Variants in EPHA5 observed in about 807,000 individuals in gnomAD.
EPHA5 encodes ephrin type-A receptor 5.
EPHA5 carries 60 observed loss-of-function variants against 105.0 expected under a neutral mutation model. That is an observed-to-expected ratio of 0.57 (90% CI 0.46 to 0.71). The LOEUF is 0.71. Among genes scored for constraint, EPHA5 ranks in the 30% least tolerant of loss-of-function variants. EPHA5 has a pLI of 0.00. For missense variants in EPHA5, 1,218 were observed against 1,274.7 expected, an observed-to-expected ratio of 0.96 and a Z score of 0.68; for synonymous variants, 513 against 449.1, an observed-to-expected ratio of 1.14 and a Z score of -1.80.
chr4:65,577,586 C>A (rs976363325), intron 3 of EPHA5, among the ~76,000 whole-genome samples: 2 of 152,092 alleles, frequency 1.3e-5, no homozygotes, highest in Non-Finnish European at 2.9e-5. Context: ...ATCTAATTTA[C>A]TTATTATTCC....
chr4:65,404,750 A>G (rs759826190), intron 7 of EPHA5, among the ~76,000 whole-genome samples: 2 of 152,206 alleles, frequency 1.3e-5, no homozygotes, highest in Non-Finnish European at 2.9e-5. Flanking sequence ...TTGTTTGCAT[A>G]GTATTCATCT....
chr4:65,320,467 C>A lies in EPHA5; in HGVS notation c.*3647G>T, dbSNP rs2148767432. 4.4e-6 allele frequency: 1 copy of A among 228,598 alleles called. No homozygotes were observed. Among genetic ancestry groups the A allele is most frequent in the African/African-American group, 2.2e-5 (1 of 45,076 alleles). 14.2% of individuals were successfully genotyped at this position (228,598 alleles called of 1,614,324 possible). On this transcript the variant is annotated 3_prime_UTR_variant, in exon 17 of 17. Coordinates refer to ENST00000613740, the MANE Select transcript of EPHA5 (RefSeq NM_001281766.3). ...TTTTTTTTCTTATTTTTAGGAAAAA[C>A]AAAATGAGAAAGGGACCTTATTCTA...
chr4:65,538,211 ATAACT>A (rs1428463952), intron 3 of EPHA5, among the ~76,000 whole-genome samples: 5 of 151,840 alleles, frequency 3.3e-5, no homozygotes, highest in African/African-American at 4.8e-5. Context: ...TAATTGCCAA[ATAACT>A]TAAATAAGTA....
intron 5 of EPHA5, among the ~76,000 whole-genome samples, chr4:65,490,141 T>C (rs1731257256): frequency 6.6e-6 from 1 of 152,248 alleles, no homozygotes; most frequent in Non-Finnish European, 1.5e-5. Context: ...ATGAAAAAAT[T>C]CAATTAAAAA....
intron 8 of EPHA5, among the ~76,000 whole-genome samples, chr4:65,375,892 T>C (rs1205609894): frequency 6.6e-6 from 1 of 151,918 alleles, no homozygotes; most frequent in Non-Finnish European, 1.5e-5. Context: ...CCCATGCTCA[T>C]AAGAATTTCC....
intron 6 of EPHA5, among the ~76,000 whole-genome samples, chr4:65,418,182 C>T (rs1365804163): frequency 6.6e-6 from 1 of 152,064 alleles, no homozygotes; most frequent in Admixed American, 6.6e-5. Context: ...AATTGAGAAA[C>T]AATGTTCACA....
chr4:65,437,830 T>A (rs1403355134), intron 5 of EPHA5, among the ~76,000 whole-genome samples: 2 of 151,874 alleles, frequency 1.3e-5, no homozygotes, highest in African/African-American at 4.8e-5. Flanking sequence ...CATACTAAAT[T>A]TAATTTTAAA....
chr4:65,323,958 T>TAA lies in EPHA5; in HGVS notation c.*154_*155dup, dbSNP rs1383204779. On this transcript the variant is annotated 3_prime_UTR_variant, in exon 17 of 17. Coordinates refer to ENST00000613740, the MANE Select transcript of EPHA5 (RefSeq NM_001281766.3). Reference sequence around the variant, plus strand: ...AAGGACTAAGAACTGGATACTTCAGTAAAACCATGATTACAAATTCTGTGG... The same window carrying TAA: ...AAGGACTAAGAACTGGATACTTCAGTAAAAAACCATGATTACAAATTCTGTGG... 1.8e-6 allele frequency: 1 copy of TAA among 553,110 alleles called. No homozygotes were observed. The highest frequency in any genetic ancestry group is 3.2e-6 in the Non-Finnish European group (1 of 311,112). 34.3% of individuals were successfully genotyped at this position (553,110 alleles called of 1,614,324 possible). A position where few individuals can be genotyped will look rare whatever the true frequency, so the allele number is the denominator to read the frequency against.
At chr4:65,636,938 G>A (rs1747176134) in intron 2 of EPHA5, among the ~76,000 whole-genome samples, 1 of 152,028 alleles carries the variant, frequency 6.6e-6, no homozygotes, top group Non-Finnish European at 1.5e-5. Context: ...CTAGGAGCCT[G>A]ATAAATATTT....
intron 8 of EPHA5, among the ~76,000 whole-genome samples, chr4:65,390,337 G>C (rs1720584347): frequency 6.6e-6 from 1 of 151,956 alleles, no homozygotes; most frequent in Non-Finnish European, 1.5e-5. Flanking sequence ...AAGTTTGCCA[G>C]AATTCTTCAA....
intron 3 of EPHA5, among the ~76,000 whole-genome samples, chr4:65,566,567 AT>A (rs1487281162): frequency 6.6e-6 from 1 of 151,014 alleles, no homozygotes; most frequent in Non-Finnish European, 1.5e-5. Context: ...TATTTATTTT[AT>A]TTTTTTGATG....
chr4:65,384,297 T>C (rs188400045), intron 8 of EPHA5, among the ~76,000 whole-genome samples: 1 of 152,102 alleles, frequency 6.6e-6, no homozygotes, highest in Non-Finnish European at 1.5e-5. Flanking sequence ...TAAGCAGAGA[T>C]AATTTTATCT....
At chr4:65,641,670 C>A (rs1390843613) in intron 2 of EPHA5, among the ~76,000 whole-genome samples, 1 of 151,930 alleles carries the variant, frequency 6.6e-6, no homozygotes, top group African/African-American at 2.4e-5. Context: ...ACATTTTTCA[C>A]CCTCAAATAT....
intron 8 of EPHA5, among the ~76,000 whole-genome samples, chr4:65,387,861 C>A (rs1479117808): frequency 6.6e-6 from 1 of 151,346 alleles, no homozygotes; most frequent in Non-Finnish European, 1.5e-5. Context: ...TACATGTGCA[C>A]AATGTGCAGG....
chr4:65,545,449 T>C (rs989094900), intron 3 of EPHA5, among the ~76,000 whole-genome samples: 1 of 151,876 alleles, frequency 6.6e-6, no homozygotes, highest in Non-Finnish European at 1.5e-5. Flanking sequence ...TTAAAGAAAC[T>C]TGTGATGCCA....
At chr4:65,558,954 T>C (rs750387909) in intron 3 of EPHA5, among the ~76,000 whole-genome samples, 1 of 152,124 alleles carries the variant, frequency 6.6e-6, no homozygotes, top group Non-Finnish European at 1.5e-5. Context: ...ATAGTGAGCA[T>C]AGTACCCAAC....
intron 3 of EPHA5, among the ~76,000 whole-genome samples, chr4:65,517,539 T>C (rs1271891699): frequency 1.3e-5 from 2 of 151,898 alleles, no homozygotes; most frequent in Non-Finnish European, 2.9e-5. Context: ...TTGATATAGT[T>C]GGATTTAAAT....
intron 11 of EPHA5, among the ~76,000 whole-genome samples, chr4:65,353,531 CA>C (rs1723028080): frequency 6.6e-6 from 1 of 150,406 alleles, no homozygotes; most frequent in East Asian, 2.0e-4. Flanking sequence ...CACACACACA[CA>C]CCCTTGCCAA....
intron 8 of EPHA5, among the ~76,000 whole-genome samples, chr4:65,401,103 A>G (rs1357889073): frequency 6.6e-6 from 1 of 151,938 alleles, no homozygotes; most frequent in African/African-American, 2.4e-5. Flanking sequence ...GTTTTAGCAC[A>G]GAGAGATGGG....
Sources: gnomAD v4.1 joint callset for allele counts (sites outside exome capture counted in the v4.1 genomes callset) on GRCh38, gnomAD v4.1.1 for gene constraint, MANE v1.5 for transcripts, NCBI Gene and HGNC (gene_info 2026-07-23, HGNC 2026-07-21) for gene names.